Variants in GRM8 observed in about 807,000 individuals in gnomAD.
GRM8 encodes metabotropic glutamate receptor 8.
GRM8 carries 47 observed loss-of-function variants against 87.2 expected under a neutral mutation model. The observed-to-expected ratio is 0.54, with a 90% CI of 0.43 to 0.69. The LOEUF is 0.69. Ranked by LOEUF, GRM8 falls within the 30% of genes least tolerant of loss-of-function variation. GRM8 has a pLI of 0.00. For synonymous variants in GRM8, 396 were observed against 404.5 expected (o/e 0.98, Z 0.25); for missense variants, 1,019 against 1,139.2 (o/e 0.89, Z 1.52).
At chr7:126,745,443 CGTGT>C (rs769361110) in intron 7 of GRM8, among the ~76,000 whole-genome samples, 2 of 96,496 alleles carry the variant, frequency 2.1e-5, no homozygotes, top group Non-Finnish European at 5.3e-5. Flanking sequence ...GTGTGTGTGA[CGTGT>C]GTGTCTGCAT....
At chr7:126,507,792 C>T (rs992651440) in intron 9 of GRM8, among the ~76,000 whole-genome samples, 3 of 151,940 alleles carry the variant, frequency 2.0e-5, no homozygotes, top group Admixed American at 2.0e-4. Context: ...TCTTTTAGAG[C>T]AACTTGGCCC....
intron 2 of GRM8, among the ~76,000 whole-genome samples, chr7:127,227,580 G>C (rs1325048620): frequency 6.6e-6 from 1 of 152,086 alleles, no homozygotes; most frequent in Admixed American, 6.6e-5. Flanking sequence ...TATTTATTTT[G>C]GTGTTTACGG....
chr7:126,790,300 A>T lies in GRM8; in HGVS notation c.1157-20235T>A, dbSNP rs796866906. ...TGGAATTACAGGCATGAGCCACCAC[A>T]AGTGGCCAAGAACACATTCTTAATG... On this transcript the variant is annotated intron_variant, in intron 6 of 10. Transcript: ENST00000339582. Among the ~76,000 whole-genome samples, 91 of 152,298 alleles carry T rather than the reference A, an allele frequency of 6.0e-4. 1 individual carries two copies. The highest frequency in any genetic ancestry group is 2.2e-3 in the African/African-American group (90 of 41,580).
chr7:126,600,835 TAAAC>T (rs1405043119), intron 8 of GRM8, among the ~76,000 whole-genome samples: 2 of 152,068 alleles, frequency 1.3e-5, no homozygotes, highest in Non-Finnish European at 2.9e-5. Flanking sequence ...TAGCATCTAA[TAAAC>T]AAATACACAG....
At chr7:127,097,211 T>G (rs1019515967) in intron 3 of GRM8, among the ~76,000 whole-genome samples, 1 of 152,184 alleles carries the variant, frequency 6.6e-6, no homozygotes, top group African/African-American at 2.4e-5. Context: ...TTGCTAAGGA[T>G]GAGGCAAGAT....
At chr7:126,911,267 G>A (rs1803263171) in intron 3 of GRM8, among the ~76,000 whole-genome samples, 1 of 152,090 alleles carries the variant, frequency 6.6e-6, no homozygotes, top group African/African-American at 2.4e-5. Flanking sequence ...CATCATTGTT[G>A]ATTACAATGT....
chr7:126,674,584 C>T (rs1245014801), intron 7 of GRM8, among the ~76,000 whole-genome samples: 2 of 151,322 alleles, frequency 1.3e-5, no homozygotes, highest in Non-Finnish European at 2.9e-5. Flanking sequence ...CAAGAACTCA[C>T]AGTATAAAAA....
At chr7:126,537,046 A>C (rs957842738) in intron 8 of GRM8, among the ~76,000 whole-genome samples, 1 of 152,224 alleles carries the variant, frequency 6.6e-6, no homozygotes, top group African/African-American at 2.4e-5. Context: ...ATTTATCATT[A>C]TAAGCTAAAT....
intron 9 of GRM8, among the ~76,000 whole-genome samples, chr7:126,487,684 G>A (rs1352316398): frequency 6.6e-6 from 1 of 151,596 alleles, no homozygotes; most frequent in African/African-American, 2.4e-5. Context: ...GTAAACATTC[G>A]TACACTGAGC....
intron 2 of GRM8, among the ~76,000 whole-genome samples, chr7:127,166,474 AC>A (rs1233841352): frequency 6.6e-6 from 1 of 152,172 alleles, no homozygotes; most frequent in African/African-American, 2.4e-5. Context: ...TGAAGGCCAT[AC>A]AAAATCAGCC....
intron 6 of GRM8, among the ~76,000 whole-genome samples, chr7:126,788,358 C>A (rs185675840): frequency 1.7e-4 from 19 of 114,278 alleles, no homozygotes; most frequent in Non-Finnish European, 1.5e-4. Flanking sequence ...TGCAGTGAGC[C>A]GAGAGTATAC....
chr7:126,816,417 T>C (rs1793792277), intron 6 of GRM8, among the ~76,000 whole-genome samples: 1 of 152,146 alleles, frequency 6.6e-6, no homozygotes, highest in South Asian at 2.1e-4. Context: ...CACATCCTTG[T>C]ACAATGTCCA....
chr7:126,658,882 C>T (rs1003812797), intron 7 of GRM8, among the ~76,000 whole-genome samples: 2 of 151,910 alleles, frequency 1.3e-5, no homozygotes, highest in African/African-American at 2.4e-5. Flanking sequence ...GCTAGGGGAC[C>T]GAGCCACTCA....
chr7:126,743,018 A>G (rs1815196395), intron 7 of GRM8, among the ~76,000 whole-genome samples: 1 of 152,112 alleles, frequency 6.6e-6, no homozygotes. Flanking sequence ...ATTTGTTGAA[A>G]TCATATTTAT....
rs569160708 is a variant in GRM8 at position 126,912,861 on chromosome 7, A to G, written c.728-8178T>C. Reference sequence around the variant, plus strand: ...GGCAAATAATTAATAGAATGTTATTATTTAATGTTAAAACTTCCTTTCAAA... The same window carrying G: ...GGCAAATAATTAATAGAATGTTATTGTTTAATGTTAAAACTTCCTTTCAAA... On this transcript the variant is annotated intron_variant, in intron 3 of 10. Transcript: ENST00000339582. Among the ~76,000 whole-genome samples, 60 of 152,346 alleles carry G rather than the reference A, an allele frequency of 3.9e-4. 1 individual carries two copies. The highest frequency in any genetic ancestry group is 1.3e-3 in the African/African-American group (55 of 41,590).
At chr7:126,595,956 G>C (rs1029495594) in intron 8 of GRM8, among the ~76,000 whole-genome samples, 5 of 152,152 alleles carry the variant, frequency 3.3e-5, no homozygotes, top group African/African-American at 4.8e-5. Context: ...GGACAATATG[G>C]TGAAACCATG....
intron 7 of GRM8, among the ~76,000 whole-genome samples, chr7:126,744,095 C>T (rs973777039): frequency 1.2e-4 from 18 of 151,880 alleles, no homozygotes; most frequent in African/African-American, 4.1e-4. Context: ...TTGATTAAAA[C>T]CTTGATGTGT....
intron 2 of GRM8, among the ~76,000 whole-genome samples, chr7:127,116,194 A>G (rs1249147180): frequency 6.6e-6 from 1 of 152,154 alleles, no homozygotes; most frequent in Non-Finnish European, 1.5e-5. Context: ...CTTATCTTCA[A>G]TTTTGCCTTT....
intron 6 of GRM8, among the ~76,000 whole-genome samples, chr7:126,855,209 G>A: frequency 6.6e-6 from 1 of 152,090 alleles, no homozygotes; most frequent in Non-Finnish European, 1.5e-5. Context: ...ACTCATAATA[G>A]TTGTACCTTA....
Sources: gnomAD v4.1 joint callset for allele counts (sites outside exome capture counted in the v4.1 genomes callset) on GRCh38, gnomAD v4.1.1 for gene constraint, MANE v1.5 for transcripts, NCBI Gene and HGNC (gene_info 2026-07-23, HGNC 2026-07-21) for gene names.